Variants in WWC2 observed in about 807,000 individuals in gnomAD.
WWC2 encodes the protein protein WWC2.
WWC2 carries 101 observed loss-of-function variants against 138.5 expected under a neutral mutation model. The ratio of observed to expected loss-of-function variants is 0.73; its 90% CI spans 0.62 to 0.86. The LOEUF is 0.86. Ranked by LOEUF, WWC2 falls within the 40% of genes least tolerant of loss-of-function variation. The pLI, the probability that WWC2 is intolerant of heterozygous loss-of-function variation, is 0.00. For missense variants in WWC2, 1,420 were observed against 1,419.4 expected (o/e 1.00, Z -0.01); for synonymous variants, 558 against 538.4 (o/e 1.04, Z -0.50).
intron 6 of WWC2, among the ~76,000 whole-genome samples, chr4:183,246,637 GTTA>G (rs1736789967): frequency 6.6e-6 from 1 of 152,170 alleles, no homozygotes; most frequent in Admixed American, 6.5e-5. Flanking sequence ...GGTAGGCACT[GTTA>G]TTATTCTCAG....
At chr4:183,144,838 A>T (rs995763389) in intron 1 of WWC2, among the ~76,000 whole-genome samples, 6 of 152,230 alleles carry the variant, frequency 3.9e-5, no homozygotes, top group African/African-American at 1.4e-4. Context: ...GTAAGCAAAC[A>T]TTATTACTTT....
chr4:183,258,368 T>C (rs1737216772), intron 9 of WWC2, among the ~76,000 whole-genome samples: 1 of 152,172 alleles, frequency 6.6e-6, no homozygotes, highest in South Asian at 2.1e-4. Flanking sequence ...TTAAAGAAAA[T>C]GGCAAGAATT....
At chr4:183,268,750 G>C (rs1209737393) in intron 14 of WWC2, among the ~76,000 whole-genome samples, 1 of 152,172 alleles carries the variant, frequency 6.6e-6, no homozygotes, top group Non-Finnish European at 1.5e-5. Context: ...GGTGAGTGGA[G>C]GCTGGGCCAT....
intron 10 of WWC2, 48 bp from the exon 11 acceptor site, chr4:183,260,862 T>C: frequency 6.3e-7 from 1 of 1,594,350 alleles, no homozygotes; most frequent in East Asian, 2.2e-5. Flanking sequence ...TGTGATTAGG[T>C]TTTCCATTTT....
Position 183,284,267 on chromosome 4 carries a change from T to A in WWC2, c.2925T>A (p.Asn975Lys). 2.5e-6 allele frequency: 4 copies of A among 1,614,014 alleles called. No homozygotes were observed. Among genetic ancestry groups the A allele is most frequent in the Non-Finnish European group, 3.4e-6 (4 of 1,179,880 alleles). ...ETNTDEAAND[N>K]MAVRPKERSS... is the part of the protein sequence containing the mutation. ...ACACTGATGAAGCCGCTAATGACAA[T>A]ATGGCAGTTCGCCCCAAAGAGCGCA... The change falls in exon 19 of 23, where the codon AAT becomes AAA. Residue 975 changes from asparagine (N) to lysine (K), a missense_variant. Coordinates refer to ENST00000403733, the MANE Select transcript of WWC2 (RefSeq NM_024949.6).
At chr4:183,133,429 A>AT (rs200724796) in intron 1 of WWC2, among the ~76,000 whole-genome samples, 85 of 150,902 alleles carry the variant, frequency 5.6e-4, no homozygotes, top group African/African-American at 1.3e-3. Flanking sequence ...AAGTGTTCTG[A>AT]TTTTTTTTTG....
At chr4:183,109,872 C>G (rs1732177309) in intron 1 of WWC2, among the ~76,000 whole-genome samples, 1 of 151,924 alleles carries the variant, frequency 6.6e-6, no homozygotes, top group Non-Finnish European at 1.5e-5. Context: ...GTTTTTAAAA[C>G]AAGGAAATGC....
chr4:183,118,061 G>A (rs898106479), intron 1 of WWC2, among the ~76,000 whole-genome samples: 1 of 152,190 alleles, frequency 6.6e-6, no homozygotes. Flanking sequence ...GCCTCCCAAA[G>A]TGCTGGGATT....
rs757422855 is a variant in WWC2 at position 183,319,550 on chromosome 4, T to C, written c.*3821T>C. On this transcript the variant is annotated 3_prime_UTR_variant, in exon 23 of 23. Transcript: ENST00000403733. The stretch of plus-strand genomic sequence containing the variant: ...TCCTGAACAGCAGACGCTTGTCCTT[T>C]CTGGCTTAGTGTTTCAGGTTGGTGT... 3.7e-6 allele frequency: 6 copies of C among 1,603,504 alleles called. No individual in the cohort carries two copies. Among genetic ancestry groups the C allele is most frequent in the Middle Eastern group, 1.7e-4 (1 of 6,014 alleles).
chr4:183,280,029 T>G (rs12643425), intron 16 of WWC2, among the ~76,000 whole-genome samples: 67,325 of 151,666 alleles, frequency 0.44, 15,251 homozygotes, highest in Middle Eastern at 0.54. Context: ...CACTCTTTAG[T>G]TCCTAATGAA....
At chr4:183,152,166 A>T (rs1235684821) in intron 1 of WWC2, among the ~76,000 whole-genome samples, 35 of 152,118 alleles carry the variant, frequency 2.3e-4, no homozygotes, top group Admixed American at 2.3e-3. Flanking sequence ...TTTAACGTTT[A>T]TTAAGTTCTT....
chr4:183,244,754 G>T (rs1201101744), intron 5 of WWC2, among the ~76,000 whole-genome samples: 1 of 152,130 alleles, frequency 6.6e-6, no homozygotes, highest in Non-Finnish European at 1.5e-5. Context: ...AAATCAGGTG[G>T]CAGTTTACTT....
chr4:183,314,643 G>A (rs13141994), intron 22 of WWC2, among the ~76,000 whole-genome samples: 113,617 of 152,142 alleles, frequency 0.75, 42,856 homozygotes, highest in Non-Finnish European at 0.81. Context: ...GAAATCAACA[G>A]TTTTCTGTGA....
At chr4:183,174,915 A>G (rs1163035879) in intron 1 of WWC2, among the ~76,000 whole-genome samples, 1 of 152,016 alleles carries the variant, frequency 6.6e-6, no homozygotes, top group Non-Finnish European at 1.5e-5. Flanking sequence ...TTTTGCTGTA[A>G]CATTTGAAGG....
intron 1 of WWC2, among the ~76,000 whole-genome samples, chr4:183,144,683 C>CAA (rs1733399784): frequency 2.0e-5 from 3 of 148,988 alleles, no homozygotes; most frequent in African/African-American, 7.7e-5. Context: ...TACTTATTCG[C>CAA]GATGTCTTAC....
At chr4:183,239,105 T>C (rs1736529820) in intron 4 of WWC2, among the ~76,000 whole-genome samples, 1 of 152,104 alleles carries the variant, frequency 6.6e-6, no homozygotes, top group Non-Finnish European at 1.5e-5. Flanking sequence ...GCTTGAGCCC[T>C]GGAGTTCGAG....
At chr4:183,226,706 CAAG>C (rs1236401736) in intron 4 of WWC2, among the ~76,000 whole-genome samples, 1 of 151,922 alleles carries the variant, frequency 6.6e-6, no homozygotes, top group African/African-American at 2.4e-5. Context: ...CAGGATTTCA[CAAG>C]AAGAGAAGAG....
At chr4:183,114,753 G>A (rs1158806215) in intron 1 of WWC2, among the ~76,000 whole-genome samples, 1 of 151,982 alleles carries the variant, frequency 6.6e-6, no homozygotes, top group African/African-American at 2.4e-5. Context: ...GTGTTGCGGG[G>A]GTTTGGTGTA....
At chr4:183,152,528 C>CT (rs1357027541) in intron 1 of WWC2, among the ~76,000 whole-genome samples, 1 of 131,516 alleles carries the variant, frequency 7.6e-6, no homozygotes, top group African/African-American at 2.8e-5. Flanking sequence ...TAAAGTGAAA[C>CT]TTAAAAAAAA....
Sources: allele counts gnomAD v4.1 joint callset (sites outside exome capture counted in the v4.1 genomes callset), GRCh38; gene constraint gnomAD v4.1.1; transcripts MANE v1.5; gene names NCBI Gene and HGNC (gene_info 2026-07-23, HGNC 2026-07-21).